The following PSTPIP2 variants were observed in gnomAD, a reference collection of about 807,000 sequenced individuals.
PSTPIP2 encodes the protein proline-serine-threonine phosphatase interacting protein 2.
PSTPIP2 carries 33 observed loss-of-function variants against 63.3 expected under a neutral mutation model. The observed-to-expected ratio is 0.52, with a 90% CI of 0.40 to 0.70. PSTPIP2 has a LOEUF of 0.70. Among genes scored for constraint, PSTPIP2 ranks in the 30% least tolerant of loss-of-function variants. The probability of loss-of-function intolerance (pLI) is 0.00; values close to 1 mark genes in which losing one functional copy is unlikely to be tolerated. For synonymous variants in PSTPIP2, 125 were observed against 132.7 expected, an observed-to-expected ratio of 0.94 and a Z score of 0.40; for missense variants, 312 against 400.7, an observed-to-expected ratio of 0.78 and a Z score of 1.89.
intron 6 of PSTPIP2, among the ~76,000 whole-genome samples, chr18:45,999,875 C>T (rs114237158): frequency 0.017 from 2,530 of 152,282 alleles, 72 homozygotes; most frequent in African/African-American, 0.058. Context: ...CCATGGCTCA[C>T]GCCTGTAATC....
chr18:46,047,204 G>A (rs1908412125), intron 1 of PSTPIP2, among the ~76,000 whole-genome samples: 1 of 152,076 alleles, frequency 6.6e-6, no homozygotes, highest in African/African-American at 2.4e-5. Context: ...TTTCTTTCCT[G>A]TTTACTTACC....
chr18:45,986,665 G>A (rs1304598761), intron 14 of PSTPIP2, among the ~76,000 whole-genome samples: 1 of 152,142 alleles, frequency 6.6e-6, no homozygotes, highest in African/African-American at 2.4e-5. Context: ...ATGACTGATT[G>A]TAAAGACTAG....
chr18:46,053,924 C>G (rs1052742123), intron 1 of PSTPIP2, among the ~76,000 whole-genome samples: 3 of 152,130 alleles, frequency 2.0e-5, no homozygotes, highest in African/African-American at 7.2e-5. Context: ...AATGGGGATA[C>G]GTTGTAAGAA....
chr18:45,996,375 C>A (rs1316909342), intron 9 of PSTPIP2, among the ~76,000 whole-genome samples: 5 of 152,128 alleles, frequency 3.3e-5, no homozygotes, highest in Admixed American at 3.3e-4. Context: ...CTGGGCTTTA[C>A]CCCCAGAGTT....
At chr18:46,041,842 C>G (rs1048307984) in intron 1 of PSTPIP2, among the ~76,000 whole-genome samples, 1 of 152,158 alleles carries the variant, frequency 6.6e-6, no homozygotes, top group Non-Finnish European at 1.5e-5. Flanking sequence ...AACTCATCCA[C>G]GCCATCCCAG....
chr18:46,011,139 A>G (rs772835014), intron 5 of PSTPIP2, 42 bp downstream of exon 5: 19 of 1,513,180 alleles, frequency 1.3e-5, no homozygotes, highest in Non-Finnish European at 1.7e-5. Context: ...GCGGTTTTCT[A>G]TAGGAGGAAA....
At chr18:46,063,424 T>C (rs1381117998) in intron 1 of PSTPIP2, among the ~76,000 whole-genome samples, 4 of 152,176 alleles carry the variant, frequency 2.6e-5, no homozygotes, top group Admixed American at 6.6e-5. Flanking sequence ...TCCATATACA[T>C]ATATCATTTT....
intron 1 of PSTPIP2, among the ~76,000 whole-genome samples, chr18:46,057,577 A>C (rs1324331365): frequency 6.6e-6 from 1 of 151,658 alleles, no homozygotes; most frequent in African/African-American, 2.4e-5. Context: ...TGATCCACCC[A>C]CCTCCATCTC....
In PSTPIP2 at chr18:46,023,454, T is replaced by TA. The variant is rs145926859; in HGVS notation, c.212+1154dup. On this transcript the variant is annotated intron_variant, in intron 3 of 14. Transcript: ENST00000409746. Reference sequence around the variant, plus strand: ...CATGCCTGTAATCCCAGCTACTTGGTAAGCTGAGGCAGGATAATTGCTGGA... The same window carrying TA: ...CATGCCTGTAATCCCAGCTACTTGGTAAAGCTGAGGCAGGATAATTGCTGGA... 6.6e-3 allele frequency among the ~76,000 whole-genome samples: 1,007 copies of TA among 152,106 alleles called. 12 individuals carry two copies. Among genetic ancestry groups the TA allele is most frequent in the Non-Finnish European group, 9.8e-3 (669 of 68,002 alleles).
At chr18:46,030,225 T>C (rs987010684) in intron 2 of PSTPIP2, among the ~76,000 whole-genome samples, 2 of 152,202 alleles carry the variant, frequency 1.3e-5, no homozygotes, top group Non-Finnish European at 2.9e-5. Context: ...TCCAGTTGAG[T>C]CACAAGAGAA....
Position 46,029,408 on chromosome 18 carries a change from G to A in PSTPIP2, c.135-4722C>T, listed in dbSNP as rs535580797. On this transcript the variant is annotated intron_variant, in intron 2 of 14. Transcript: ENST00000409746. Reference sequence around the variant, plus strand: ...ATAGTAAGAAAGTATATGCCTCTTCGGGGATGGAGAAGTTTATGTTTGGGA... The same window carrying A: ...ATAGTAAGAAAGTATATGCCTCTTCAGGGATGGAGAAGTTTATGTTTGGGA... 1.5e-4 allele frequency: 229 copies of A among 1,491,170 alleles called. 4 individuals are homozygous for A. In the East Asian group the frequency reaches 4.8e-3, roughly 31 times the overall value. The allele number at this position is 1,491,170 out of a possible 1,614,324, so 92.4% of individuals were successfully genotyped here. A position where few individuals can be genotyped will look rare whatever the true frequency, so the allele number is the denominator to read the frequency against.
Position 46,032,483 on chromosome 18 carries a change from G to A in PSTPIP2, c.134+7464C>T, listed in dbSNP as rs60945239. On this transcript the variant is annotated intron_variant, in intron 2 of 14. Coordinates refer to ENST00000409746, the MANE Select transcript of PSTPIP2 (RefSeq NM_024430.4). ...AGCAACCCATGACAGGCTGGGTGCC[G>A]TGGCTCACATCTGTAATCCCAGCAC... Among the ~76,000 whole-genome samples the A allele has an allele frequency of 4.8e-3, 729 of 152,128 alleles. 11 individuals are homozygous for A. Among genetic ancestry groups the A allele is most frequent in the African/African-American group, 0.016 (666 of 41,476 alleles).
At chr18:46,072,061 C>G (rs114538737) in intron 1 of PSTPIP2, 95 bp downstream of exon 1, 76,957 of 1,415,490 alleles carry the variant, frequency 0.054, 2,481 homozygotes, top group African/African-American at 0.12. Flanking sequence ...CACCGAGTGG[C>G]GCCGGAGCTG....
At position 46,011,178 on chromosome 18, in the gene PSTPIP2, A is replaced by T. The variant is rs932018504; in HGVS notation, c.354+3T>A. ...AACACCTTAACACGTATGCAAATCC[A>T]ACCTTTTTTCGTTGTAGTTTTTGCT... On this transcript the variant is annotated splice_donor_region_variant and intron_variant, in intron 5 of 14. Coordinates refer to ENST00000409746, the MANE Select transcript of PSTPIP2 (RefSeq NM_024430.4). 2.5e-6 allele frequency: 4 copies of T among 1,610,958 alleles called. No individual in the cohort carries two copies. Among genetic ancestry groups the T allele is most frequent in the Middle Eastern group, 1.7e-4 (1 of 6,056 alleles).
intron 10 of PSTPIP2, among the ~76,000 whole-genome samples, chr18:45,993,281 G>C (rs12956734): frequency 0.38 from 57,996 of 151,564 alleles, 11,637 homozygotes; most frequent in South Asian, 0.52. Flanking sequence ...TTTTAGTAGA[G>C]ACGGAGTTTC....
At position 46,072,232 on chromosome 18, in the gene PSTPIP2, G is replaced by A. The variant is rs1230785822; in HGVS notation, c.-44C>T. The A allele has an allele frequency of 1.3e-6, 2 of 1,526,430 alleles. No individual in the cohort carries two copies. Among genetic ancestry groups the A allele is most frequent in the Admixed American group, 2.1e-5 (1 of 48,280 alleles). 94.6% of individuals were successfully genotyped at this position (1,526,430 alleles called of 1,614,324 possible). A position where few individuals can be genotyped will look rare whatever the true frequency, so the allele number is the denominator to read the frequency against. ...GCGGAGGAGAGCCGGGCCGCAGGTA[G>A]CACAGAGCGGGGAGGCCTGACTGCC... is the stretch of plus-strand genomic sequence containing the variant. On this transcript the variant is annotated 5_prime_UTR_variant, in exon 1 of 15. Coordinates refer to ENST00000409746, the MANE Select transcript of PSTPIP2 (RefSeq NM_024430.4).
intron 1 of PSTPIP2, among the ~76,000 whole-genome samples, chr18:46,048,712 C>A (rs1174552085): frequency 6.6e-6 from 1 of 152,114 alleles, no homozygotes; most frequent in Non-Finnish European, 1.5e-5. Context: ...AGGAACTATT[C>A]CAGGTTAAAA....
intron 9 of PSTPIP2, 35 bp from the exon 10 acceptor site, chr18:45,993,738 AAGG>A: frequency 6.4e-7 from 1 of 1,563,490 alleles, no homozygotes; most frequent in Non-Finnish European, 8.8e-7. Flanking sequence ...ATAGATATGC[AAGG>A]AAAAGGACCA....
At chr18:46,035,518 A>G (rs775173066) in intron 2 of PSTPIP2, among the ~76,000 whole-genome samples, 1 of 152,074 alleles carries the variant, frequency 6.6e-6, no homozygotes, top group Non-Finnish European at 1.5e-5. Context: ...GGCATCAGGG[A>G]AAAAGGAGGA....
Sources: gnomAD v4.1 joint callset for allele counts (sites outside exome capture counted in the v4.1 genomes callset) on GRCh38, gnomAD v4.1.1 for gene constraint, MANE v1.5 for transcripts, NCBI Gene and HGNC (gene_info 2026-07-23, HGNC 2026-07-21) for gene names.